The following ZFAND4 variants were observed in gnomAD, a reference collection of about 807,000 sequenced individuals.
The protein encoded by ZFAND4 is zinc finger AN1-type containing 4.
In ZFAND4, 43 loss-of-function variants were observed where a neutral mutation model predicts 64.4. The observed-to-expected ratio is 0.67, with a 90% CI of 0.52 to 0.86. The LOEUF is 0.86. Ranked by LOEUF, ZFAND4 falls within the 40% of genes least tolerant of loss-of-function variation. ZFAND4 has a pLI of 0.00. For synonymous variants in ZFAND4, 296 were observed against 305.7 expected (o/e 0.97, Z 0.33); for missense variants, 929 against 859.8 (o/e 1.08, Z -1.01).
chr10:45,668,886 C>T (rs1248416177), intron 1 of ZFAND4, among the ~76,000 whole-genome samples: 1 of 152,158 alleles, frequency 6.6e-6, no homozygotes, highest in African/African-American at 2.4e-5. Flanking sequence ...ATCTCTGGGA[C>T]ACATTTAAAG....
At chr10:45,623,678 T>G (rs747852216) in intron 8 of ZFAND4, among the ~76,000 whole-genome samples, 7 of 152,150 alleles carry the variant, frequency 4.6e-5, no homozygotes, top group Non-Finnish European at 1.0e-4. Context: ...TTTTGTAAGA[T>G]GAAAAGTGTT....
rs908189379 is a variant in ZFAND4 at position 45,652,120 on chromosome 10, C to A, written c.261-87G>T. 4 of 1,240,984 alleles carry A rather than the reference C, an allele frequency of 3.2e-6. No homozygotes were observed. In the African/African-American group the frequency reaches 4.5e-5, roughly 14 times the overall value. 76.9% of individuals were successfully genotyped at this position (1,240,984 alleles called of 1,614,324 possible). On this transcript the variant is annotated intron_variant, in intron 3 of 9. Transcript: ENST00000344646. Reference sequence around the variant, plus strand: ...CATAATTATGTGCTGGCTTATCAGGCAGAGTGGCCACTCTCTAAAATATAA... The same window carrying A: ...CATAATTATGTGCTGGCTTATCAGGAAGAGTGGCCACTCTCTAAAATATAA...
At chr10:45,667,458 C>CTTTTTTT (rs60572011) in intron 1 of ZFAND4, among the ~76,000 whole-genome samples, 20 of 90,544 alleles carry the variant, frequency 2.2e-4, no homozygotes, top group Admixed American at 4.3e-4. Context: ...TCTTTTCTTT[C>CTTTTTTT]TTTTTTTTTT....
At chr10:45,640,738 C>G (rs1443119189) in intron 5 of ZFAND4, among the ~76,000 whole-genome samples, 1 of 152,188 alleles carries the variant, frequency 6.6e-6, no homozygotes, top group Non-Finnish European at 1.5e-5. Flanking sequence ...GATCCGCCTA[C>G]CTCGGCCTCC....
intron 2 of ZFAND4, among the ~76,000 whole-genome samples, chr10:45,661,871 C>T (rs990003035): frequency 1.3e-5 from 2 of 149,894 alleles, no homozygotes; most frequent in Non-Finnish European, 3.0e-5. Context: ...ACCCAGGAGG[C>T]GGAGGTTGTG....
intron 6 of ZFAND4, among the ~76,000 whole-genome samples, chr10:45,627,715 A>G (rs2045934244): frequency 6.6e-6 from 1 of 152,184 alleles, no homozygotes; most frequent in African/African-American, 2.4e-5. Flanking sequence ...CGCAAATGCT[A>G]GGCAGAGGGT....
intron 2 of ZFAND4, 38 bp from the exon 3 acceptor site, chr10:45,653,097 T>C: frequency 7.1e-7 from 1 of 1,405,588 alleles, no homozygotes; most frequent in Non-Finnish European, 1.0e-6. Context: ...GTTAAAGAAT[T>C]CAATAGCATC....
chr10:45,642,624 A>G (rs1438018766), intron 5 of ZFAND4, among the ~76,000 whole-genome samples: 1 of 150,386 alleles, frequency 6.6e-6, no homozygotes, highest in African/African-American at 2.4e-5. Context: ...AAAAAAAAAA[A>G]GAACAATCAT....
Position 45,626,627 on chromosome 10 carries a change from C to A in ZFAND4, c.1196G>T (p.Gly399Val). 1 of 1,614,212 alleles carries A rather than the reference C, an allele frequency of 6.2e-7. No individual in the cohort carries two copies. The highest frequency in any genetic ancestry group is 8.5e-7 in the Non-Finnish European group (1 of 1,180,046). ...TCCTTCTGCAAATGAAGCCAGTGAG[C>A]CCACTTTAGGTAGAAGTGATTGTTC... ...VTEQSLLPKV[G>V]SLASFAEGNA... Residue 399 changes from glycine (G) to valine (V), a missense_variant, in exon 7 of 10, where the codon GGC becomes GTC. Coordinates refer to ENST00000344646, the MANE Select transcript of ZFAND4 (RefSeq NM_174890.4).
Position 45,627,082 on chromosome 10 carries a change from T to A in ZFAND4, c.741A>T (p.Lys247Asn), listed in dbSNP as rs752765617. The A allele has an allele frequency of 6.5e-7, 1 of 1,546,762 alleles. No homozygotes were observed. Among genetic ancestry groups the A allele is most frequent in the Non-Finnish European group, 8.7e-7 (1 of 1,148,204 alleles). The change falls in exon 7 of 10, where the codon AAA (lysine) becomes AAT (asparagine). Residue 247 changes from lysine (K) to asparagine (N), a missense_variant. Lys to Asn is a moderately conservative substitution (Grantham distance 94). Coordinates refer to ENST00000344646, the MANE Select transcript of ZFAND4 (RefSeq NM_174890.4). ...SKKPKKAVKI[K>N]PHPPVAPRPS... Reference sequence around the variant, plus strand: ...GTCGAGGAGCTACAGGTGGGTGAGGTTTTATCTTGACAGCTTTCTTAGGCT... The same window carrying A: ...GTCGAGGAGCTACAGGTGGGTGAGGATTTATCTTGACAGCTTTCTTAGGCT...
At chr10:45,653,618 G>A (rs2047904384) in intron 2 of ZFAND4, among the ~76,000 whole-genome samples, 1 of 152,118 alleles carries the variant, frequency 6.6e-6, no homozygotes, top group Non-Finnish European at 1.5e-5. Flanking sequence ...ACCACAATGA[G>A]ATACAAGCTC....
At chr10:45,647,174 G>A (rs949863667) in intron 5 of ZFAND4, among the ~76,000 whole-genome samples, 1 of 152,160 alleles carries the variant, frequency 6.6e-6, no homozygotes, top group African/African-American at 2.4e-5. Context: ...TTGGTTTTGG[G>A]TTCATCAAAA....
At chr10:45,639,381 C>G (rs933973981) in intron 6 of ZFAND4, among the ~76,000 whole-genome samples, 2 of 152,076 alleles carry the variant, frequency 1.3e-5, no homozygotes, top group East Asian at 1.9e-4. Flanking sequence ...TACAAAGGAC[C>G]ATGCCAAATA....
At chr10:45,639,240 T>A (rs567714110) in intron 6 of ZFAND4, among the ~76,000 whole-genome samples, 1 of 152,076 alleles carries the variant, frequency 6.6e-6, no homozygotes, top group East Asian at 1.9e-4. Context: ...AAAATATAGG[T>A]GTTTTATTAA....
chr10:45,621,602 T>G (rs2045429310), intron 8 of ZFAND4, among the ~76,000 whole-genome samples: 1 of 151,480 alleles, frequency 6.6e-6, no homozygotes, highest in East Asian at 1.9e-4. Context: ...ATTAGCCGGG[T>G]GTGGTGGCGG....
At chr10:45,641,994 C>T (rs964428531) in intron 5 of ZFAND4, among the ~76,000 whole-genome samples, 32 of 152,140 alleles carry the variant, frequency 2.1e-4, no homozygotes, top group Non-Finnish European at 4.3e-4. Flanking sequence ...TGCTTGTGCA[C>T]CCAGATGAGT....
chr10:45,635,942 A>G lies in ZFAND4; in HGVS notation c.717+3874T>C, dbSNP rs376403055. Among the ~76,000 whole-genome samples, 13 of 152,316 alleles carry G rather than the reference A, an allele frequency of 8.5e-5. No individual in the cohort carries two copies. In the East Asian group the frequency reaches 1.9e-3, roughly 23 times the overall value. On this transcript the variant is annotated intron_variant, in intron 6 of 9. Coordinates refer to ENST00000344646, the MANE Select transcript of ZFAND4 (RefSeq NM_174890.4). ...ATGGTAGAATCTAGATATTAGATAA[A>G]TAAGTGTTCATGGTAAAATTCTTTC...
Position 45,618,333 on chromosome 10 carries a change from C to G in ZFAND4, c.1928-73G>C, listed in dbSNP as rs564606775. ...ACATGAAATATTATTAAGCAAAACA[C>G]AAAACATAGTCCTATCAAAGTAAAT... On this transcript the variant is annotated intron_variant, in intron 8 of 9. Coordinates refer to ENST00000344646, the MANE Select transcript of ZFAND4 (RefSeq NM_174890.4). 30 of 1,544,948 alleles carry G rather than the reference C, an allele frequency of 1.9e-5. No homozygotes were observed. In the South Asian group the frequency reaches 3.1e-4, roughly 16 times the overall value.
At chr10:45,639,058 T>C (rs1401059806) in intron 6 of ZFAND4, among the ~76,000 whole-genome samples, 1 of 152,138 alleles carries the variant, frequency 6.6e-6, no homozygotes, top group Non-Finnish European at 1.5e-5. Flanking sequence ...CGTCAAGTAG[T>C]ATATTAAAGA....
Sources: gnomAD v4.1 joint callset for allele counts (sites outside exome capture counted in the v4.1 genomes callset) on GRCh38, gnomAD v4.1.1 for gene constraint, MANE v1.5 for transcripts, NCBI Gene and HGNC (gene_info 2026-07-23, HGNC 2026-07-21) for gene names.